The following LMBR1 variants were observed in gnomAD, a reference collection of about 807,000 sequenced individuals.
The protein encoded by LMBR1 is limb region 1 protein homolog.
Under a neutral mutation model 73.9 loss-of-function variants are expected in LMBR1, and 52 were observed. The ratio of observed to expected loss-of-function variants is 0.70; its 90% CI spans 0.56 to 0.89. The LOEUF (loss-of-function observed/expected upper bound fraction) is 0.89. Among genes scored for constraint, LMBR1 ranks in the 40% least tolerant of loss-of-function variants. The pLI is 0.00. For synonymous variants in LMBR1, 215 were observed against 209.4 expected (o/e 1.03, Z -0.23); for missense variants, 539 against 579.8 (o/e 0.93, Z 0.72).
intron 1 of LMBR1, among the ~76,000 whole-genome samples, chr7:156,859,595 T>G (rs1797456164): frequency 6.6e-6 from 1 of 151,930 alleles, no homozygotes; most frequent in Admixed American, 6.6e-5. Flanking sequence ...CCATTTACAT[T>G]AGCAGCCCCA....
chr7:156,868,219 C>T (rs10273507), intron 1 of LMBR1, among the ~76,000 whole-genome samples: 67,355 of 146,228 alleles, frequency 0.46, 15,597 homozygotes, highest in East Asian at 0.61. Flanking sequence ...TTTGAGACGA[C>T]GTCTCACTCT....
chr7:156,873,054 C>T (rs1252799330), intron 1 of LMBR1, among the ~76,000 whole-genome samples: 2 of 140,784 alleles, frequency 1.4e-5, no homozygotes, highest in African/African-American at 5.3e-5. Context: ...CCTTCGTGGT[C>T]GCCAAAATGT....
At chr7:156,841,647 C>G (rs576544912) in intron 1 of LMBR1, among the ~76,000 whole-genome samples, 2 of 152,222 alleles carry the variant, frequency 1.3e-5, no homozygotes, top group African/African-American at 4.8e-5. Context: ...ACACTGCTGA[C>G]AGGCCAAGAA....
In LMBR1 at chr7:156,893,007, C is replaced by A. The variant is rs750766553; in HGVS notation, c.-14G>T. 18 of 1,505,496 alleles carry A rather than the reference C, an allele frequency of 1.2e-5. No individual in the cohort carries two copies. The South Asian group carries it at 1.9e-4, about 16-fold the overall frequency. 93.3% of individuals were successfully genotyped at this position (1,505,496 alleles called of 1,614,324 possible). A position where few individuals can be genotyped will look rare whatever the true frequency, so the allele number is the denominator to read the frequency against. On this transcript the variant is annotated 5_prime_UTR_variant, in exon 1 of 17. Transcript: ENST00000353442. Reference sequence around the variant, plus strand: ...CTGCCCTTCCATCCTCCTTCATGCCCGCCGCCGCGCCGCCCGCGTCCGCGT... The same window carrying A: ...CTGCCCTTCCATCCTCCTTCATGCCAGCCGCCGCGCCGCCCGCGTCCGCGT...
rs201155743 is a variant in LMBR1, at chr7:156,697,020, G to GTTCT, written c.1226-8833_1226-8830dup. 6.0e-3 allele frequency among the ~76,000 whole-genome samples: 917 copies of GTTCT among 151,966 alleles called. 21 individuals carry two copies. In the South Asian group the frequency reaches 0.079, roughly 13 times the overall value. ...CCCTGCTGCCAATATTTCAATGTAGGTTCTATTTTCCATAAGTGTAGGCCA... is the reference window on the plus strand; with the variant it reads ...CCCTGCTGCCAATATTTCAATGTAGGTTCTTTCTATTTTCCATAAGTGTAGGCCA... On this transcript the variant is annotated intron_variant, in intron 15 of 16. Transcript: ENST00000353442.
chr7:156,790,133 C>CA (rs1828944438), intron 5 of LMBR1, among the ~76,000 whole-genome samples: 2 of 152,072 alleles, frequency 1.3e-5, no homozygotes, highest in Admixed American at 6.5e-5. Context: ...GATCCTATTT[C>CA]AAAAAATAAA....
intron 4 of LMBR1, among the ~76,000 whole-genome samples, chr7:156,802,570 A>T (rs915181490): frequency 2.0e-5 from 3 of 152,226 alleles, no homozygotes; most frequent in Admixed American, 1.3e-4. Flanking sequence ...GAACAAAATT[A>T]TAACATATAC....
In LMBR1 at chr7:156,681,434, T is replaced by C. The variant is rs1197440355; in HGVS notation, c.*2644A>G. On this transcript the variant is annotated 3_prime_UTR_variant, in exon 17 of 17. Transcript: ENST00000353442. ...TTTAGAGGTCTATTTTTACAGAGAA[T>C]GTACATAAAGCTACGTAAATAGTAA... 6.1e-6 allele frequency: 1 copy of C among 164,650 alleles called. No individual in the cohort carries two copies. The highest frequency in any genetic ancestry group is 2.4e-5 in the African/African-American group (1 of 41,630). 10.2% of individuals were successfully genotyped at this position (164,650 alleles called of 1,614,324 possible). A position where few individuals can be genotyped will look rare whatever the true frequency, so the allele number is the denominator to read the frequency against.
intron 15 of LMBR1, among the ~76,000 whole-genome samples, chr7:156,713,797 CATTT>C (rs1428899738): frequency 2.0e-5 from 3 of 152,078 alleles, no homozygotes; most frequent in Non-Finnish European, 4.4e-5. Flanking sequence ...TGTTAAAATG[CATTT>C]ATTAGACTTC....
chr7:156,862,754 A>C (rs1038415181), intron 1 of LMBR1, among the ~76,000 whole-genome samples: 1 of 152,236 alleles, frequency 6.6e-6, no homozygotes, highest in Admixed American at 6.5e-5. Flanking sequence ...GGCCTCATCC[A>C]ATCAGTGGAA....
chr7:156,777,943 G>C (rs1826449601), intron 5 of LMBR1, among the ~76,000 whole-genome samples: 1 of 152,096 alleles, frequency 6.6e-6, no homozygotes, highest in African/African-American at 2.4e-5. Flanking sequence ...CCTCGGTCCA[G>C]TCAAACACCA....
intron 1 of LMBR1, among the ~76,000 whole-genome samples, chr7:156,852,423 T>C (rs549257832): frequency 1.8e-4 from 28 of 152,278 alleles, no homozygotes; most frequent in Non-Finnish European, 3.8e-4. Flanking sequence ...CTTCTTAAGG[T>C]TTCCTGTACT....
intron 9 of LMBR1, among the ~76,000 whole-genome samples, chr7:156,746,669 A>T (rs181960023): frequency 8.5e-4 from 129 of 152,308 alleles, no homozygotes; most frequent in Admixed American, 2.0e-3. Context: ...ATCTGAGATG[A>T]CACATTATTC....
intron 1 of LMBR1, among the ~76,000 whole-genome samples, chr7:156,878,311 C>T (rs1800525168): frequency 6.6e-6 from 1 of 152,170 alleles, no homozygotes; most frequent in South Asian, 2.1e-4. Flanking sequence ...ACCCTAAAGA[C>T]TCCTCCAAGT....
intron 15 of LMBR1, among the ~76,000 whole-genome samples, chr7:156,718,052 A>G (rs188257243): frequency 4.0e-4 from 61 of 152,270 alleles, no homozygotes; most frequent in Non-Finnish European, 7.1e-4. Context: ...TTTCCTACAA[A>G]TGAAATAATT....
At chr7:156,809,381 T>C (rs1290695433) in intron 4 of LMBR1, among the ~76,000 whole-genome samples, 1 of 152,218 alleles carries the variant, frequency 6.6e-6, no homozygotes, top group Non-Finnish European at 1.5e-5. Flanking sequence ...CTGTAGGGGA[T>C]TGGTTCCAAG....
chr7:156,675,569 C>T, downstream of LMBR1: 1 of 724,978 alleles, frequency 1.4e-6, no homozygotes, highest in Non-Finnish European at 2.3e-6. Context: ...ATCTATTTCC[C>T]TAAAAAGTAT....
At chr7:156,858,480 A>C (rs2134162858) in intron 1 of LMBR1, among the ~76,000 whole-genome samples, 1 of 152,368 alleles carries the variant, frequency 6.6e-6, no homozygotes, top group Non-Finnish European at 1.5e-5. Context: ...AATTCTACCA[A>C]ATTTAAGGAA....
intron 5 of LMBR1, among the ~76,000 whole-genome samples, chr7:156,767,275 A>G (rs1352381794): frequency 6.6e-6 from 1 of 152,166 alleles, no homozygotes; most frequent in African/African-American, 2.4e-5. Context: ...GGTCCTTCAC[A>G]AAGGACTGTG....
Sources: gnomAD v4.1 joint callset for allele counts (sites outside exome capture counted in the v4.1 genomes callset) on GRCh38, gnomAD v4.1.1 for gene constraint, MANE v1.5 for transcripts, NCBI Gene and HGNC (gene_info 2026-07-23, HGNC 2026-07-21) for gene names.